The following BIRC6 variants were observed in gnomAD, a reference collection of about 807,000 sequenced individuals.
BIRC6 encodes the protein baculoviral IAP repeat containing 6.
Under a neutral mutation model 503.3 loss-of-function variants are expected in BIRC6, and 98 were observed. That is an observed-to-expected ratio of 0.19 (90% CI 0.17 to 0.23). The LOEUF is 0.23. Ranked by LOEUF, BIRC6 falls within the 10% of genes least tolerant of loss-of-function variation. The pLI is 1.00. For synonymous variants in BIRC6, 2,240 were observed against 2,078.7 expected (o/e 1.08, Z -2.11); for missense variants, 5,360 against 5,806.0 (o/e 0.92, Z 2.50).
In BIRC6 at chr2:32,442,454, A is replaced by T. The variant is rs756218927; in HGVS notation, c.4237A>T (p.Ser1413Cys). The T allele has an allele frequency of 6.3e-7, 1 of 1,598,920 alleles. No individual in the cohort carries two copies. Among genetic ancestry groups the T allele is most frequent in the Non-Finnish European group, 8.5e-7 (1 of 1,172,556 alleles). ...TGCCCGATTTCTAGCCTTGTGCATT[A>T]GGTTGGTATGTTTTTAAGTTGAAAG... Reference protein sequence around the residue: ...KCARFLALCISNGKCDPCQPA... With the variant: ...KCARFLALCICNGKCDPCQPA... Residue 1413 changes from serine (S) to cysteine (C), a missense_variant and splice_region_variant, in exon 19 of 74, where the codon AGT becomes TGT. Transcript: ENST00000421745.
Position 32,465,074 on chromosome 2 carries a change from G to A in BIRC6, c.5266G>A (p.Gly1756Ser). 1 of 1,584,602 alleles carries A rather than the reference G, an allele frequency of 6.3e-7. No individual in the cohort carries two copies. The highest frequency in any genetic ancestry group is 8.6e-7 in the Non-Finnish European group (1 of 1,163,786). ...NSNKSRMNPL[G>S]SGLALAISHA... ...TTTTTCCCTGCTCTAGAATCCACTT[G>A]GTTCTGGTCTAGCCCTTGCAATTTC... The change falls in exon 26 of 74, where the codon GGT becomes AGT. Residue 1756 changes from glycine (G) to serine (S), a missense_variant. Gly to Ser is a moderately conservative substitution (Grantham distance 56, BLOSUM62 0). Around this residue, in one of 16 missense-constraint regions of BIRC6, gnomAD observed 2,299 missense variants for 2,267.2 expected, o/e 1.01. Coordinates refer to ENST00000421745, the MANE Select transcript of BIRC6 (RefSeq NM_016252.4).
intron 9 of BIRC6, among the ~76,000 whole-genome samples, chr2:32,412,640 ACTTTTT>A (rs931806581): frequency 6.6e-6 from 1 of 152,172 alleles, no homozygotes; most frequent in African/African-American, 2.4e-5. Context: ...CAGTTTTGGA[ACTTTTT>A]CTTCCTAGTT....
intron 55 of BIRC6, among the ~76,000 whole-genome samples, chr2:32,517,071 C>G (rs1305133232): frequency 6.6e-6 from 1 of 152,006 alleles, no homozygotes; most frequent in African/African-American, 2.4e-5. Flanking sequence ...TGGCTTATAC[C>G]TATAATCCCA....
At chr2:32,469,367 A>G (rs1210221639) in intron 29 of BIRC6, 28 bp from the exon 30 acceptor site, 2 of 1,549,604 alleles carry the variant, frequency 1.3e-6, no homozygotes, top group Non-Finnish European at 1.8e-6. Context: ...TTAAATAGGA[A>G]AGTTTACTGT....
At chr2:32,434,823 G>T (rs899166471) in intron 13 of BIRC6, among the ~76,000 whole-genome samples, 7 of 152,158 alleles carry the variant, frequency 4.6e-5, no homozygotes, top group African/African-American at 1.2e-4. Flanking sequence ...CTGCACCACT[G>T]CACTCCAGCC....
chr2:32,470,575 G>A (rs1054954310), intron 31 of BIRC6, among the ~76,000 whole-genome samples: 11 of 152,156 alleles, frequency 7.2e-5, no homozygotes, highest in Non-Finnish European at 1.5e-4. Flanking sequence ...AGTTTGAGCT[G>A]TAAGGCACAG....
Position 32,525,522 on chromosome 2 carries a change from G to C in BIRC6, c.11814G>C (p.Arg3938Ser). 1 of 1,613,940 alleles carries C rather than the reference G, an allele frequency of 6.2e-7. No homozygotes were observed. The highest frequency in any genetic ancestry group is 1.1e-5 in the South Asian group (1 of 91,074). ...CTACACCACCTCGCCCACCATCCAGGAGGGGGAGGACAATACCTGATAAAA... is the reference window on the plus strand; with the variant it reads ...CTACACCACCTCGCCCACCATCCAGCAGGGGGAGGACAATACCTGATAAAA... ...VSATPPRPPS[R>S]RGRTIPDKIG... The change falls in exon 59 of 74, where the codon AGG becomes AGC. Residue 3938 changes from arginine to serine, a missense_variant. Coordinates refer to ENST00000421745, the MANE Select transcript of BIRC6 (RefSeq NM_016252.4).
intron 14 of BIRC6, 74 bp downstream of exon 14, chr2:32,435,659 A>G: frequency 7.0e-7 from 1 of 1,426,934 alleles, no homozygotes; most frequent in Non-Finnish European, 9.3e-7. Flanking sequence ...GTCGGGCAAG[A>G]TTTCCTTATG....
chr2:32,373,876 A>G (rs578107551), intron 1 of BIRC6, among the ~76,000 whole-genome samples: 2 of 152,344 alleles, frequency 1.3e-5, no homozygotes, highest in East Asian at 3.9e-4. Flanking sequence ...GATAAAAGGA[A>G]GGAAATTCTG....
intron 1 of BIRC6, among the ~76,000 whole-genome samples, chr2:32,367,260 C>T (rs897527794): frequency 4.0e-5 from 6 of 151,702 alleles, no homozygotes; most frequent in Admixed American, 1.3e-4. Context: ...GTACGGAGTT[C>T]GAGACCAGCC....
intron 5 of BIRC6, among the ~76,000 whole-genome samples, chr2:32,392,886 C>T (rs1439739664): frequency 2.6e-5 from 4 of 152,036 alleles, no homozygotes; most frequent in South Asian, 2.1e-4. Context: ...GTGATCTACG[C>T]ACCTCATCCT....
chr2:32,478,643 A>G lies in BIRC6; in HGVS notation c.7077A>G (p.Ala2359=), dbSNP rs944668256. The G allele has an allele frequency of 3.7e-6, 6 of 1,610,320 alleles. No homozygotes were observed. The highest frequency in any genetic ancestry group is 2.2e-5 in the East Asian group (1 of 44,872). Residue 2359 remains alanine (A), a synonymous_variant, in exon 36 of 74, where the codon GCA becomes GCG. Transcript: ENST00000421745. ...DLLLFVCKVL[A]RIANATRPTI... is the part of the protein sequence containing the mutation. The stretch of plus-strand genomic sequence containing the variant: ...TATAAAATGTATTACAGGTTCTTGC[A>G]CGCATTGCAAATGCCACGAGGCCAA...
At chr2:32,377,835 A>G in intron 2 of BIRC6, 66 bp downstream of exon 2, 1 of 1,375,602 alleles carries the variant, frequency 7.3e-7, no homozygotes, top group Non-Finnish European at 9.8e-7. Context: ...TAGATGTTAA[A>G]TGAAATTAAG....
chr2:32,575,267 A>T lies in BIRC6; in HGVS notation c.13256A>T (p.Asn4419Ile). 2 of 1,613,970 alleles carry T rather than the reference A, an allele frequency of 1.2e-6. No homozygotes were observed. The highest frequency in any genetic ancestry group is 1.7e-6 in the Non-Finnish European group (2 of 1,179,878). ...VPLLLPLSTE[N>I]GEEEEEQSEC... is the part of the protein sequence containing the mutation. ...CTATTGTTGCCCCTTTCTACAGAGA[A>T]CGGTGAAGAGGAAGAAGAACAGTCA... is the stretch of plus-strand genomic sequence containing the variant. Residue 4419 changes from asparagine (N) to isoleucine (I), a missense_variant, in exon 66 of 74, where the codon AAC (asparagine) becomes ATC (isoleucine). By Grantham distance (149) the Asn-to-Ile change is moderately radical (BLOSUM62 -3). Coordinates refer to ENST00000421745, the MANE Select transcript of BIRC6 (RefSeq NM_016252.4).
intron 54 of BIRC6, among the ~76,000 whole-genome samples, chr2:32,514,723 A>C (rs1298850901): frequency 6.6e-6 from 1 of 152,170 alleles, no homozygotes; most frequent in African/African-American, 2.4e-5. Context: ...AGAATGATAG[A>C]ACCATTTTAA....
At chr2:32,469,060 T>G (rs2048856318) in intron 29 of BIRC6, among the ~76,000 whole-genome samples, 1 of 152,200 alleles carries the variant, frequency 6.6e-6, no homozygotes, top group Admixed American at 6.5e-5. Flanking sequence ...AGTTGAACAG[T>G]GAAACTTTTC....
At chr2:32,487,559 C>T in intron 40 of BIRC6, 88 bp from the exon 41 acceptor site, 1 of 1,196,218 alleles carries the variant, frequency 8.4e-7, no homozygotes, top group Non-Finnish European at 1.2e-6. Context: ...TTTTTAAAAA[C>T]AATTTAACCT....
At chr2:32,450,487 C>T (rs2046581273) in intron 22 of BIRC6, among the ~76,000 whole-genome samples, 1 of 152,136 alleles carries the variant, frequency 6.6e-6, no homozygotes, top group Admixed American at 6.6e-5. Flanking sequence ...GATATGTCTC[C>T]ACTTTAATGT....
rs781469090 is a variant in BIRC6, at chr2:32,611,477, A to T, written c.14289A>T (p.Arg4763Ser). The change falls in exon 73 of 74, where the codon AGA (arginine) becomes AGT (serine). Residue 4763 changes from arginine to serine, a missense_variant. Physicochemically the swap from Arg to Ser is moderately radical, Grantham distance 110. This residue lies in a region of BIRC6 where 140 missense variants were observed against 130.2 expected (regional missense o/e 1.07). Coordinates refer to ENST00000421745, the MANE Select transcript of BIRC6 (RefSeq NM_016252.4). ...TACACAAACATTTTTACTTGAAAAG[A>T]GTTGAGATAATGGCCCAATGTGAGG... is the stretch of plus-strand genomic sequence containing the variant. ...EVIHKHFYLK[R>S]VEIMAQCEEW... The T allele has an allele frequency of 6.2e-7, 1 of 1,609,410 alleles. No individual in the cohort carries two copies. The highest frequency in any genetic ancestry group is 2.2e-5 in the East Asian group (1 of 44,720).
Sources: allele counts gnomAD v4.1 joint callset (sites outside exome capture counted in the v4.1 genomes callset), GRCh38; gene constraint gnomAD v4.1.1; regional missense constraint gnomAD v4.1.1; transcripts MANE v1.5; gene names NCBI Gene and HGNC (gene_info 2026-07-23, HGNC 2026-07-21).